ZC3H12B: variants seen among roughly 807,000 people sequenced by gnomAD.
ZC3H12B encodes zinc finger CCCH-type containing 12B.
Under a neutral mutation model 43.9 loss-of-function variants are expected in ZC3H12B, and 7 were observed. That is an observed-to-expected ratio of 0.16 (90% CI 0.09 to 0.30). The LOEUF (loss-of-function observed/expected upper bound fraction) is 0.30, where lower values mean the gene tolerates loss of function less well. Among genes scored for constraint, ZC3H12B ranks in the 10% least tolerant of loss-of-function variants. The probability of loss-of-function intolerance (pLI) is 1.00; values close to 1 mark genes in which losing one functional copy is unlikely to be tolerated. For synonymous variants in ZC3H12B, 222 were observed against 241.7 expected (o/e 0.92, Z 0.76); for missense variants, 475 against 670.2 (o/e 0.71, Z 3.22).
the ZC3H12B span, among the ~76,000 whole-genome samples, chrX:65,156,187 C>T: frequency 9.1e-6 from 1 of 110,439 alleles, no homozygotes; most frequent in African/African-American, 3.3e-5. Flanking sequence ...TTTCTCTCTC[C>T]TGCTCTTTTT....
chrX:65,206,969 C>G, the ZC3H12B span, among the ~76,000 whole-genome samples: 5 of 106,495 alleles, frequency 4.7e-5, no homozygotes, highest in Admixed American at 4.0e-4. Flanking sequence ...CCACCTTACT[C>G]CCGCAAGAAT....
chrX:65,329,551 T>C, the ZC3H12B span, among the ~76,000 whole-genome samples: 1 of 101,209 alleles, frequency 9.9e-6, no homozygotes, highest in Non-Finnish European at 1.9e-5. Flanking sequence ...CTCTTTAGTT[T>C]AATTAGATCT....
chrX:65,274,465 G>A, the ZC3H12B span, among the ~76,000 whole-genome samples: 2 of 110,311 alleles, frequency 1.8e-5, no homozygotes, highest in African/African-American at 6.6e-5. Context: ...CACAACCCCA[G>A]CTGTGTGGAG....
chrX:65,228,595 T>G, the ZC3H12B span, among the ~76,000 whole-genome samples: 1 of 111,411 alleles, frequency 9.0e-6, no homozygotes, highest in African/African-American at 3.3e-5. Context: ...AGTCAAATTG[T>G]CCCTGTTTGC....
At chrX:65,209,608 C>A in the ZC3H12B span, among the ~76,000 whole-genome samples, 1 of 107,534 alleles carries the variant, frequency 9.3e-6, no homozygotes, top group Non-Finnish European at 1.9e-5. Context: ...ACTATGTGGT[C>A]AATTTTGGAA....
chrX:65,142,070 T>A, the ZC3H12B span, among the ~76,000 whole-genome samples: 1 of 112,043 alleles, frequency 8.9e-6, no homozygotes, highest in African/African-American at 3.2e-5. Flanking sequence ...CTACTTTTAG[T>A]TTTTTAAGGA....
At chrX:65,311,694 C>T in the ZC3H12B span, among the ~76,000 whole-genome samples, 1 of 111,541 alleles carries the variant, frequency 9.0e-6, no homozygotes, top group Admixed American at 9.5e-5. Context: ...CACATGCACA[C>T]GTATGTTTTT....
the ZC3H12B span, among the ~76,000 whole-genome samples, chrX:65,226,000 A>T: frequency 8.9e-6 from 1 of 111,811 alleles, no homozygotes; most frequent in East Asian, 2.8e-4. Flanking sequence ...GAAGGCCAAC[A>T]TTCAGATTCA....
chrX:65,154,598 G>A, the ZC3H12B span, among the ~76,000 whole-genome samples: 11 of 112,174 alleles, frequency 9.8e-5, no homozygotes, highest in Non-Finnish European at 1.7e-4. Flanking sequence ...GCCGTGTGGC[G>A]GTTCATTTGG....
the ZC3H12B span, among the ~76,000 whole-genome samples, chrX:65,250,596 C>T: frequency 1.8e-5 from 2 of 111,762 alleles, no homozygotes; most frequent in Admixed American, 9.5e-5. Flanking sequence ...TCTCCAGCAC[C>T]TGTTTTTTCC....
the ZC3H12B span, among the ~76,000 whole-genome samples, chrX:65,275,629 C>T: frequency 8.9e-6 from 1 of 112,763 alleles, no homozygotes; most frequent in African/African-American, 3.2e-5. Context: ...GGCCACACTA[C>T]TGTGTCCACC....
the ZC3H12B span, among the ~76,000 whole-genome samples, chrX:65,139,839 G>A: frequency 4.5e-5 from 5 of 111,259 alleles, no homozygotes; most frequent in Non-Finnish European, 7.6e-5. Context: ...TTTACTTTTT[G>A]TGTAGCTATT....
chrX:65,135,343 C>T, the ZC3H12B span, among the ~76,000 whole-genome samples: 1 of 109,069 alleles, frequency 9.2e-6, no homozygotes, highest in Non-Finnish European at 1.9e-5. Flanking sequence ...TTTTTTGTTA[C>T]TAGGTTGTTG....
intron 3 of ZC3H12B, among the ~76,000 whole-genome samples, chrX:65,473,953 G>A (rs766450957): frequency 2.1e-4 from 23 of 111,655 alleles, no homozygotes; most frequent in Non-Finnish European, 3.6e-4. Context: ...CTGCTGTTGG[G>A]TAGAAAGTTC....
At chrX:65,451,486 C>T (rs1312315991) in intron 3 of ZC3H12B, among the ~76,000 whole-genome samples, 3 of 110,645 alleles carry the variant, frequency 2.7e-5, no homozygotes, top group Non-Finnish European at 5.7e-5. Flanking sequence ...CTTCATGTTC[C>T]TTTTTATTTT....
chrX:65,482,840 C>A (rs1035597465), intron 3 of ZC3H12B, among the ~76,000 whole-genome samples: 5 of 111,665 alleles, frequency 4.5e-5, no homozygotes, highest in African/African-American at 1.6e-4. Context: ...AATAATGGGT[C>A]TTGAAATCAA....
At chrX:65,099,106 C>T in the ZC3H12B span, among the ~76,000 whole-genome samples, 1 of 111,449 alleles carries the variant, frequency 9.0e-6, no homozygotes, top group South Asian at 3.7e-4. Context: ...TTGCTAAGGA[C>T]TGGGTGGAAC....
chrX:65,234,763 T>G, the ZC3H12B span, among the ~76,000 whole-genome samples: 1 of 112,163 alleles, frequency 8.9e-6, no homozygotes. Context: ...ATGTGTGCCA[T>G]GGTGGTTTGC....
the ZC3H12B span, among the ~76,000 whole-genome samples, chrX:65,118,785 A>T: frequency 9.5e-6 from 1 of 105,255 alleles, no homozygotes; most frequent in African/African-American, 3.5e-5. Context: ...ATATGTCCTA[A>T]TGCTATCCCT....
Sources: gnomAD v4.1 joint callset for allele counts (sites outside exome capture counted in the v4.1 genomes callset) on GRCh38, gnomAD v4.1.1 for gene constraint, MANE v1.5 for transcripts, NCBI Gene and HGNC (gene_info 2026-07-23, HGNC 2026-07-21) for gene names.